The following IFT140 variants were observed in gnomAD, a reference collection of about 807,000 sequenced individuals.
The protein encoded by IFT140 is intraflagellar transport 140.
IFT140 carries 133 observed loss-of-function variants against 164.6 expected under a neutral mutation model. That is an observed-to-expected ratio of 0.81 (90% CI 0.70 to 0.93). The LOEUF (loss-of-function observed/expected upper bound fraction) is 0.93. Ranked by LOEUF, IFT140 falls within the 40% of genes least tolerant of loss-of-function variation. The pLI is 0.00. For synonymous variants in IFT140, 860 were observed against 817.3 expected, an observed-to-expected ratio of 1.05 and a Z score of -0.89; for missense variants, 2,045 against 1,972.3, an observed-to-expected ratio of 1.04 and a Z score of -0.70.
chr16:1,552,814 A>T, intron 19 of IFT140: 8 of 204,870 alleles, frequency 3.9e-5, no homozygotes, highest in Non-Finnish European at 6.6e-5. Context: ...CACCTCACTA[A>T]TTTTTTTTTT....
chr16:1,563,523 AC>A (rs1363170724), intron 17 of IFT140, among the ~76,000 whole-genome samples: 1 of 152,038 alleles, frequency 6.6e-6, no homozygotes, highest in Non-Finnish European at 1.5e-5. Flanking sequence ...AGACAAGAGA[AC>A]CAAAAAAATG....
intron 26 of IFT140, 69 bp from the exon 27 acceptor site, chr16:1,520,877 C>A: frequency 1.4e-6 from 2 of 1,442,534 alleles, no homozygotes; most frequent in Non-Finnish European, 1.9e-6. Flanking sequence ...CCTCATCTGC[C>A]ACCGCTTCAG....
intron 7 of IFT140, among the ~76,000 whole-genome samples, chr16:1,588,354 T>C (rs1316045823): frequency 1.3e-5 from 2 of 151,790 alleles, no homozygotes; most frequent in Admixed American, 6.6e-5. Flanking sequence ...TGAAACCCCA[T>C]CTCTACTAAA....
At chr16:1,525,378 G>A in intron 21 of IFT140, 52 bp from the exon 22 acceptor site, 3 of 1,428,340 alleles carry the variant, frequency 2.1e-6, no homozygotes, top group Non-Finnish European at 2.9e-6. Context: ...CAGCCCCACG[G>A]GAACCGGGTG....
At chr16:1,525,774 C>T in intron 21 of IFT140, 113 bp downstream of exon 21, 1 of 1,112,414 alleles carries the variant, frequency 9.0e-7, no homozygotes, top group Non-Finnish European at 1.2e-6. Context: ...CACCCTGAGA[C>T]AGACGCCTCC....
At chr16:1,544,480 T>C (rs377701306) in intron 19 of IFT140, among the ~76,000 whole-genome samples, 5 of 148,078 alleles carry the variant, frequency 3.4e-5, no homozygotes, top group East Asian at 2.1e-4. Context: ...CCACCGCGCC[T>C]GGCCACGCCC....
chr16:1,560,269 C>T (rs1264538631), intron 18 of IFT140, among the ~76,000 whole-genome samples: 1 of 152,210 alleles, frequency 6.6e-6, no homozygotes, highest in Admixed American at 6.5e-5. Flanking sequence ...ACTGCCTCCA[C>T]CGCAGGGAAC....
chr16:1,541,313 C>T lies in IFT140; in HGVS notation c.2400-14517G>A, dbSNP rs576791002. On this transcript the variant is annotated intron_variant, in intron 19 of 30. Coordinates refer to ENST00000426508, the MANE Select transcript of IFT140 (RefSeq NM_014714.4). ...CAGGTGGGGGGCACTGGTTCAGACC[C>T]ATGTCTGACCCCTGCTCAGCCCCTT... 29 of 985,134 alleles carry T rather than the reference C, an allele frequency of 2.9e-5. 1 individual carries two copies. In the South Asian group the frequency reaches 1.1e-3, roughly 37 times the overall value. 61.0% of individuals were successfully genotyped at this position (985,134 alleles called of 1,614,324 possible).
chr16:1,584,075 T>C (rs1950670526), intron 11 of IFT140, 142 bp downstream of exon 11: 2 of 672,894 alleles, frequency 3.0e-6, no homozygotes, highest in Non-Finnish European at 5.1e-6. Flanking sequence ...ATAATGTACA[T>C]GGATATCCAG....
Position 1,568,289 on chromosome 16 carries a change from G to T in IFT140, c.1698C>A (p.Val566=). 7 of 1,613,682 alleles carry T rather than the reference G, an allele frequency of 4.3e-6. No individual in the cohort carries two copies. Among genetic ancestry groups the T allele is most frequent in the Non-Finnish European group, 5.9e-6 (7 of 1,180,004 alleles). Residue 566 remains valine, a synonymous_variant, in exon 15 of 31, where the codon GTC becomes GTA. Transcript: ENST00000426508. ...HCSCRSLAEL[V]PGVGGIASLR... ...GAGAAGCGATGCCCCCCACCCCAGGGACCAGCTCCGCCAGGCTCCTGCAGC... is the reference window on the plus strand; with the variant it reads ...GAGAAGCGATGCCCCCCACCCCAGGTACCAGCTCCGCCAGGCTCCTGCAGC...
At chr16:1,609,917 G>C (rs1026005909) in intron 2 of IFT140, 1 of 152,232 alleles carries the variant, frequency 6.6e-6, no homozygotes, top group Non-Finnish European at 1.5e-5. Flanking sequence ...TCAACTTTGG[G>C]GAACAGGAGA....
chr16:1,544,476 C>T (rs928402324), intron 19 of IFT140, among the ~76,000 whole-genome samples: 3 of 151,846 alleles, frequency 2.0e-5, no homozygotes, highest in East Asian at 1.9e-4. Context: ...TGAGCCACCG[C>T]GCCTGGCCAC....
At chr16:1,566,009 C>T (rs2033691385) in intron 16 of IFT140, 152 bp downstream of exon 16, 1 of 657,546 alleles carries the variant, frequency 1.5e-6, no homozygotes, top group African/African-American at 1.8e-5. Flanking sequence ...TACCCACTGC[C>T]AGAGTGTGCT....
intron 6 of IFT140, 129 bp from the exon 7 acceptor site, chr16:1,589,909 A>C (rs2035086696): frequency 2.4e-6 from 2 of 841,358 alleles, no homozygotes; most frequent in Admixed American, 2.8e-5. Flanking sequence ...TAAGAACTTA[A>C]AAATGGGCCG....
Position 1,611,030 on chromosome 16 carries a change from C to T in IFT140, c.-221-177G>A, listed in dbSNP as rs182704007. The stretch of plus-strand genomic sequence containing the variant: ...GAGGCGGAGCCTTTCCAGCACGCGG[C>T]GGTCTCGGCCCAGGCCTTCCCTGGG... On this transcript the variant is annotated intron_variant, in intron 1 of 30. Coordinates refer to ENST00000426508, the MANE Select transcript of IFT140 (RefSeq NM_014714.4). Among the ~76,000 whole-genome samples, 93 of 152,344 alleles carry T rather than the reference C, an allele frequency of 6.1e-4. No individual in the cohort carries two copies. In the East Asian group the frequency reaches 0.016, roughly 26 times the overall value.
At chr16:1,542,493 T>C (rs1266293674) in intron 19 of IFT140, among the ~76,000 whole-genome samples, 2 of 152,330 alleles carry the variant, frequency 1.3e-5, no homozygotes, top group East Asian at 3.9e-4. Flanking sequence ...GAAGAGCCCA[T>C]GCCTGGCCCT....
chr16:1,603,040 A>C (rs2035875010), intron 3 of IFT140, among the ~76,000 whole-genome samples: 1 of 152,230 alleles, frequency 6.6e-6, no homozygotes, highest in African/African-American at 2.4e-5. Context: ...CAATGTTCTC[A>C]GTAGACTCTT....
At chr16:1,528,132 G>C (rs981789886) in intron 19 of IFT140, among the ~76,000 whole-genome samples, 1 of 152,112 alleles carries the variant, frequency 6.6e-6, no homozygotes, top group East Asian at 1.9e-4. Flanking sequence ...CCTTGGGGCC[G>C]GGCTGGCCTG....
intron 15 of IFT140, among the ~76,000 whole-genome samples, chr16:1,567,932 C>T (rs1246685726): frequency 1.3e-5 from 2 of 152,200 alleles, no homozygotes; most frequent in African/African-American, 4.8e-5. Flanking sequence ...AACTCTCCAA[C>T]AAGGAATCGA....
Sources: gnomAD v4.1 joint callset for allele counts (sites outside exome capture counted in the v4.1 genomes callset) on GRCh38, gnomAD v4.1.1 for gene constraint, MANE v1.5 for transcripts, NCBI Gene and HGNC (gene_info 2026-07-23, HGNC 2026-07-21) for gene names.